The following CDH4 variants were observed in gnomAD, a reference collection of about 807,000 sequenced individuals.
CDH4 encodes cadherin-4.
In CDH4, 33 loss-of-function variants were observed where a neutral mutation model predicts 86.0. The ratio of observed to expected loss-of-function variants is 0.38; its 90% CI spans 0.29 to 0.51. The LOEUF (loss-of-function observed/expected upper bound fraction) is 0.51. Among genes scored for constraint, CDH4 ranks in the 20% least tolerant of loss-of-function variants. The pLI is 0.86. For missense variants in CDH4, 1,114 were observed against 1,307.4 expected (o/e 0.85, Z 2.28); for synonymous variants, 555 against 549.4 (o/e 1.01, Z -0.14).
intron 2 of CDH4, among the ~76,000 whole-genome samples, chr20:61,310,267 C>T (rs561164676): frequency 7.2e-4 from 109 of 152,230 alleles, no homozygotes; most frequent in Non-Finnish European, 1.0e-3. Flanking sequence ...GGGCAAGGCT[C>T]CATGTCCTAC....
chr20:61,366,897 A>G (rs2084813105), intron 2 of CDH4, among the ~76,000 whole-genome samples: 1 of 152,222 alleles, frequency 6.6e-6, no homozygotes, highest in African/African-American at 2.4e-5. Context: ...GAAAAACGGT[A>G]AAGGAAGAAA....
chr20:61,790,904 A>G (rs1004746289), intron 4 of CDH4, among the ~76,000 whole-genome samples: 9 of 150,900 alleles, frequency 6.0e-5, no homozygotes, highest in African/African-American at 2.2e-4. Context: ...CCATCCATCC[A>G]TTGATTTCTA....
chr20:61,720,291 C>G (rs1024618858), intron 2 of CDH4, among the ~76,000 whole-genome samples: 3 of 152,186 alleles, frequency 2.0e-5, no homozygotes, highest in African/African-American at 4.8e-5. Flanking sequence ...CCTGGCCCCC[C>G]ATCCTGCTCC....
chr20:61,687,230 T>G (rs1218854309), intron 2 of CDH4, among the ~76,000 whole-genome samples: 4 of 152,180 alleles, frequency 2.6e-5, no homozygotes, highest in African/African-American at 9.7e-5. Flanking sequence ...TATTGTCCCG[T>G]TTTTATTTCT....
chr20:61,699,767 G>T (rs1363532000), intron 2 of CDH4, among the ~76,000 whole-genome samples: 3 of 140,638 alleles, frequency 2.1e-5, no homozygotes, highest in East Asian at 1.9e-4. Flanking sequence ...CTTTCACCGC[G>T]GACCCGGGGC....
chr20:61,545,971 TG>T (rs2086078336), intron 2 of CDH4, among the ~76,000 whole-genome samples: 1 of 120,194 alleles, frequency 8.3e-6, no homozygotes, highest in African/African-American at 3.3e-5. Context: ...CGTGTGTGTG[TG>T]TGTGTGTGTG....
chr20:61,830,558 A>G (rs1172644882), intron 4 of CDH4, among the ~76,000 whole-genome samples: 2 of 152,128 alleles, frequency 1.3e-5, no homozygotes, highest in African/African-American at 4.8e-5. Flanking sequence ...CAGGAACCCC[A>G]GGAGATCTGC....
At position 61,678,341 on chromosome 20, in the gene CDH4, C is replaced by T. The variant is rs549400210; in HGVS notation, c.170-65222C>T. On this transcript the variant is annotated intron_variant, in intron 2 of 15. Transcript: ENST00000614565. ...TGGATGGATGGATGGTAAATATAAA[C>T]GTAGATCAGTATAGACATGGGTATA... Among the ~76,000 whole-genome samples, 401 of 152,142 alleles carry T rather than the reference C, an allele frequency of 2.6e-3. 5 individuals carry two copies. The highest frequency in any genetic ancestry group is 9.2e-3 in the African/African-American group (382 of 41,484).
chr20:61,516,477 A>C lies in CDH4; in HGVS notation c.170-227086A>C, dbSNP rs932386527. Among the ~76,000 whole-genome samples, 1 of 152,126 alleles carries C rather than the reference A, an allele frequency of 6.6e-6. No individual in the cohort carries two copies. The highest frequency in any genetic ancestry group is 1.5e-5 in the Non-Finnish European group (1 of 68,022). ...TTTACAGACCGGGAGGCAGAGCCCC[A>C]GAGGTCAAGCCAGATGTCCATGTTG... On this transcript the variant is annotated intron_variant, in intron 2 of 15. Transcript: ENST00000614565. The surrounding 1 kb of genome is among the most constrained non-coding windows in gnomAD (Gnocchi z 4.0).
chr20:61,745,676 G>T (rs2088405514), intron 3 of CDH4, among the ~76,000 whole-genome samples: 1 of 152,156 alleles, frequency 6.6e-6, no homozygotes, highest in South Asian at 2.1e-4. Flanking sequence ...CAGGCCCTTG[G>T]ACAGCCTGGG....
intron 2 of CDH4, among the ~76,000 whole-genome samples, chr20:61,373,132 T>G (rs1164275778): frequency 6.6e-6 from 1 of 152,232 alleles, no homozygotes; most frequent in Non-Finnish European, 1.5e-5. Context: ...GCAGCAGCTG[T>G]CCCTTAACTG....
intron 2 of CDH4, among the ~76,000 whole-genome samples, chr20:61,492,175 T>C (rs894646459): frequency 2.6e-5 from 4 of 151,002 alleles, no homozygotes; most frequent in Non-Finnish European, 5.9e-5. Flanking sequence ...GTCGATATTG[T>C]TGATATTGGT....
chr20:61,531,043 G>A (rs1224644168), intron 2 of CDH4, among the ~76,000 whole-genome samples: 3 of 150,334 alleles, frequency 2.0e-5, no homozygotes, highest in African/African-American at 4.9e-5. Context: ...TTGGAAATTC[G>A]GTACACAGAG....
intron 2 of CDH4, among the ~76,000 whole-genome samples, chr20:61,316,425 C>T (rs1211261562): frequency 1.3e-5 from 2 of 152,222 alleles, no homozygotes; most frequent in Admixed American, 6.5e-5. Context: ...AAATCAAGTT[C>T]AGGCGGCAGA....
intron 2 of CDH4, among the ~76,000 whole-genome samples, chr20:61,286,358 G>A (rs1480653894): frequency 6.6e-6 from 1 of 152,206 alleles, no homozygotes; most frequent in African/African-American, 2.4e-5. Flanking sequence ...ATGGACTTGA[G>A]GACCCACTTG....
intron 2 of CDH4, among the ~76,000 whole-genome samples, chr20:61,692,093 A>C (rs965570567): frequency 6.7e-6 from 1 of 149,652 alleles, no homozygotes; most frequent in Non-Finnish European, 1.5e-5. Context: ...GTGTGTGTGT[A>C]TGTGTGTGTC....
intron 2 of CDH4, among the ~76,000 whole-genome samples, chr20:61,616,723 C>T (rs2086727886): frequency 6.6e-6 from 1 of 152,196 alleles, no homozygotes; most frequent in South Asian, 2.1e-4. Context: ...TCTTCCTGGA[C>T]CCCAAAAATG....
intron 1 of CDH4, among the ~76,000 whole-genome samples, chr20:61,253,777 C>T (rs897553411): frequency 6.6e-6 from 1 of 152,164 alleles, no homozygotes; most frequent in African/African-American, 2.4e-5. Flanking sequence ...AAGCCTGGAG[C>T]TCCGGGCTGG....
chr20:61,904,967 G>C (rs1379956007), intron 8 of CDH4, among the ~76,000 whole-genome samples: 7 of 152,202 alleles, frequency 4.6e-5, no homozygotes, highest in Non-Finnish European at 1.0e-4. Flanking sequence ...CTTGCGAATG[G>C]TGACCTTCCC....
Sources: gnomAD v4.1 joint callset for allele counts (sites outside exome capture counted in the v4.1 genomes callset) on GRCh38, gnomAD v4.1.1 for gene constraint, Gnocchi (gnomAD v3.1) non-coding constraint, MANE v1.5 for transcripts, NCBI Gene and HGNC (gene_info 2026-07-23, HGNC 2026-07-21) for gene names.